LOC128462377: variants seen among roughly 807,000 people sequenced by gnomAD.
the LOC128462377 span, among the ~76,000 whole-genome samples, chr16:89,328,422 G>C: frequency 1.3e-5 from 2 of 152,228 alleles, no homozygotes; most frequent in African/African-American, 2.4e-5. Flanking sequence ...ACTGATAATA[G>C]ACAATGGGGA....
chr16:89,379,198 CG>C, the LOC128462377 span, among the ~76,000 whole-genome samples: 2 of 152,242 alleles, frequency 1.3e-5, no homozygotes, highest in African/African-American at 4.8e-5. Flanking sequence ...TGGCAGCCGG[CG>C]GGCTAGAAGG....
At chr16:89,386,449 G>A in the LOC128462377 span, among the ~76,000 whole-genome samples, 1 of 152,184 alleles carries the variant, frequency 6.6e-6, no homozygotes, top group East Asian at 1.9e-4. Flanking sequence ...TCCCTAGCAA[G>A]AGGCCCTCTT....
the LOC128462377 span, among the ~76,000 whole-genome samples, chr16:89,375,095 G>A: frequency 1.3e-5 from 2 of 151,950 alleles, no homozygotes; most frequent in African/African-American, 2.4e-5. Context: ...CAAACGTAAC[G>A]TCGCAGGCTC....
At chr16:89,321,717 T>A in the LOC128462377 span, among the ~76,000 whole-genome samples, 3 of 151,994 alleles carry the variant, frequency 2.0e-5, no homozygotes, top group East Asian at 5.8e-4. Context: ...AAAAAAAGAC[T>A]TCTTTGGGGT....
the LOC128462377 span, among the ~76,000 whole-genome samples, chr16:89,340,794 C>A: frequency 6.6e-6 from 1 of 152,098 alleles, no homozygotes; most frequent in African/African-American, 2.4e-5. Flanking sequence ...GCTCTGAAAC[C>A]CCAGAAATCA....
the LOC128462377 span, among the ~76,000 whole-genome samples, chr16:89,401,246 C>T: frequency 6.6e-6 from 1 of 152,194 alleles, no homozygotes; most frequent in Middle Eastern, 3.4e-3. Flanking sequence ...GCCCGGCTAA[C>T]ATTTGGATTT....
chr16:89,394,979 G>A, the LOC128462377 span, among the ~76,000 whole-genome samples: 1 of 152,178 alleles, frequency 6.6e-6, no homozygotes, highest in African/African-American at 2.4e-5. Context: ...CTGTTAAAAA[G>A]ATCTCCAAAC....
the LOC128462377 span, among the ~76,000 whole-genome samples, chr16:89,376,419 G>T: frequency 1.3e-5 from 2 of 152,160 alleles, no homozygotes; most frequent in Non-Finnish European, 2.9e-5. Context: ...GAGGAAAAAG[G>T]ACATGTGCCT....
the LOC128462377 span, among the ~76,000 whole-genome samples, chr16:89,371,465 G>A: frequency 6.6e-6 from 1 of 152,208 alleles, no homozygotes; most frequent in Non-Finnish European, 1.5e-5. Flanking sequence ...GGCCGCTGAC[G>A]CCAGCAGCTT....
At chr16:89,398,344 C>T in the LOC128462377 span, among the ~76,000 whole-genome samples, 2 of 90,478 alleles carry the variant, frequency 2.2e-5, 1 homozygote, top group Admixed American at 2.2e-4. Context: ...TACCTGTGAC[C>T]TCAGCACTCT....
At chr16:89,335,995 C>G in the LOC128462377 span, among the ~76,000 whole-genome samples, 394 of 152,338 alleles carry the variant, frequency 2.6e-3, 2 homozygotes, top group Non-Finnish European at 3.7e-3. Flanking sequence ...TCAGATGGGT[C>G]TTTTATTAGA....
the LOC128462377 span, among the ~76,000 whole-genome samples, chr16:89,366,005 C>CCA: frequency 6.6e-6 from 1 of 151,982 alleles, no homozygotes; most frequent in African/African-American, 2.4e-5. Flanking sequence ...ATAAGGGCCT[C>CCA]CAGGCTCTAT....
the LOC128462377 span, among the ~76,000 whole-genome samples, chr16:89,339,582 A>C: frequency 6.6e-6 from 1 of 152,198 alleles, no homozygotes; most frequent in Non-Finnish European, 1.5e-5. Context: ...TATATTTTAT[A>C]ATTTCTACAC....
At chr16:89,349,861 AACACACACACACACACACACACAC>A in the LOC128462377 span, among the ~76,000 whole-genome samples, 420 of 133,242 alleles carry the variant, frequency 3.2e-3, 2 homozygotes, top group South Asian at 0.016. Context: ...TACTTGTTAA[AACACACACACACACACACACACAC>A]ACACACACAC....
At chr16:89,320,446 C>G in the LOC128462377 span, 1 of 152,290 alleles carries the variant, frequency 6.6e-6, no homozygotes, top group Admixed American at 6.5e-5. Context: ...GGCTGACTCA[C>G]GCCCTGTGCT....
At chr16:89,417,616 T>C in the LOC128462377 span, among the ~76,000 whole-genome samples, 1 of 151,972 alleles carries the variant, frequency 6.6e-6, no homozygotes, top group South Asian at 2.1e-4. Flanking sequence ...TACACACTGG[T>C]CTCCAGCTCC....
the LOC128462377 span, among the ~76,000 whole-genome samples, chr16:89,382,996 G>A: frequency 6.6e-5 from 10 of 152,164 alleles, no homozygotes; most frequent in African/African-American, 2.2e-4. Flanking sequence ...GTGAGCCACC[G>A]TGCCAGGCTT....
At chr16:89,414,823 G>A in the LOC128462377 span, among the ~76,000 whole-genome samples, 28 of 152,314 alleles carry the variant, frequency 1.8e-4, 1 homozygote, top group Middle Eastern at 3.4e-3. Context: ...GCACAGCACC[G>A]TGTACTGAAG....
the LOC128462377 span, among the ~76,000 whole-genome samples, chr16:89,408,044 C>T: frequency 6.6e-6 from 1 of 152,124 alleles, no homozygotes; most frequent in Admixed American, 6.5e-5. Flanking sequence ...GTGGTAGTGC[C>T]CCTGCCCTCA....
Sources: gnomAD v4.1 joint callset for allele counts (sites outside exome capture counted in the v4.1 genomes callset) on GRCh38, gnomAD v4.1.1 for gene constraint, MANE v1.5 for transcripts.